Variants in TRABD2A observed in about 807,000 individuals in gnomAD.
TRABD2A encodes metalloprotease TIKI1.
TRABD2A carries 43 observed loss-of-function variants against 45.6 expected under a neutral mutation model. The ratio of observed to expected loss-of-function variants is 0.94; its 90% CI spans 0.74 to 1.22. TRABD2A has a LOEUF of 1.22. TRABD2A is among the 50% of genes most tolerant of loss of function. The pLI, the probability that TRABD2A is intolerant of heterozygous loss-of-function variation, is 0.00. For missense variants in TRABD2A, 642 were observed against 652.4 expected, an observed-to-expected ratio of 0.98 and a Z score of 0.17; for synonymous variants, 269 against 265.0, an observed-to-expected ratio of 1.02 and a Z score of -0.15.
chr2:84,863,237 A>ATTTTTTTTTTTTTTTTTT (rs1559095739), intron 2 of TRABD2A, among the ~76,000 whole-genome samples: 7 of 129,542 alleles, frequency 5.4e-5, no homozygotes, highest in African/African-American at 9.7e-5. Context: ...CTTCATGTGA[A>ATTTTTTTTTTTTTTTTTT]TCTTTTTTTT....
rs542849629 is a variant in TRABD2A at position 84,842,277 on chromosome 2, G to C, written c.670-270C>G. ...GGAACTCTTCCATGAGTGTGACCAA[G>C]AGGTGAGGGAACCCAAGAGCTGGCT... On this transcript the variant is annotated intron_variant, in intron 2 of 6. Transcript: ENST00000409520. Among the ~76,000 whole-genome samples the C allele has an allele frequency of 2.8e-3, 420 of 152,308 alleles. 1 individual carries two copies. Among genetic ancestry groups the C allele is most frequent in the Non-Finnish European group, 4.7e-3 (323 of 68,042 alleles).
At chr2:84,871,110 A>C (rs1248901107) in intron 1 of TRABD2A, among the ~76,000 whole-genome samples, 1 of 152,180 alleles carries the variant, frequency 6.6e-6, no homozygotes, top group Admixed American at 6.5e-5. Context: ...TCAGCTTTTC[A>C]ATCAAAAGGG....
At chr2:84,865,727 A>G (rs1247458306) in intron 2 of TRABD2A, among the ~76,000 whole-genome samples, 2 of 152,196 alleles carry the variant, frequency 1.3e-5, no homozygotes, top group Admixed American at 6.5e-5. Flanking sequence ...TGGGCAGAGC[A>G]GGCATTGCAA....
chr2:84,875,810 T>C (rs374483621), intron 1 of TRABD2A, among the ~76,000 whole-genome samples: 4 of 151,966 alleles, frequency 2.6e-5, no homozygotes, highest in Non-Finnish European at 4.4e-5. Flanking sequence ...CTGGACAACA[T>C]AGCAAGACCC....
At chr2:84,826,240 G>A (rs1056767504) in intron 5 of TRABD2A, among the ~76,000 whole-genome samples, 1 of 152,176 alleles carries the variant, frequency 6.6e-6, no homozygotes, top group Non-Finnish European at 1.5e-5. Flanking sequence ...TCCTCACAGT[G>A]AGACAAATCA....
At chr2:84,875,667 G>A (rs1182616792) in intron 1 of TRABD2A, among the ~76,000 whole-genome samples, 1 of 152,196 alleles carries the variant, frequency 6.6e-6, no homozygotes, top group Non-Finnish European at 1.5e-5. Flanking sequence ...ATCTGAGTGG[G>A]AGTGACAGGA....
intron 4 of TRABD2A, chr2:84,836,414 T>C (rs1336594423): frequency 4.6e-5 from 7 of 152,212 alleles, no homozygotes; most frequent in African/African-American, 1.7e-4. Context: ...AGAAATCTGC[T>C]GTTAATCCTA....
chr2:84,850,321 T>C (rs543034962), intron 2 of TRABD2A, among the ~76,000 whole-genome samples: 3 of 152,286 alleles, frequency 2.0e-5, no homozygotes, highest in South Asian at 4.1e-4. Flanking sequence ...ACAATTATAA[T>C]AATCATCACA....
intron 4 of TRABD2A, chr2:84,836,349 T>G (rs1445856950): frequency 6.6e-6 from 1 of 152,262 alleles, no homozygotes; most frequent in Non-Finnish European, 1.5e-5. Flanking sequence ...CAGTCTTTTA[T>G]TTCAGCATTT....
intron 2 of TRABD2A, among the ~76,000 whole-genome samples, chr2:84,859,995 G>C (rs142305333): frequency 2.7e-4 from 41 of 152,068 alleles, no homozygotes; most frequent in African/African-American, 9.4e-4. Context: ...CGAACTCCTG[G>C]GCTCAAGTGA....
chr2:84,836,986 G>GTTTTTTTTT (rs57910749), intron 4 of TRABD2A: 5 of 85,988 alleles, frequency 5.8e-5, no homozygotes, highest in African/African-American at 9.8e-5. Context: ...TAATTTTAGG[G>GTTTTTTTTT]TTTTTTTTTT....
chr2:84,867,307 GT>G (rs1195177924), intron 2 of TRABD2A, among the ~76,000 whole-genome samples: 1 of 152,164 alleles, frequency 6.6e-6, no homozygotes, highest in Non-Finnish European at 1.5e-5. Context: ...ACATGACACT[GT>G]AGTCTATAAT....
chr2:84,858,269 A>C (rs780686174), intron 2 of TRABD2A, among the ~76,000 whole-genome samples: 1 of 145,540 alleles, frequency 6.9e-6, no homozygotes, highest in South Asian at 2.2e-4. Flanking sequence ...GCTCCCTCCA[A>C]CATCGTCTCC....
intron 1 of TRABD2A, among the ~76,000 whole-genome samples, chr2:84,880,003 C>CA (rs1683150412): frequency 2.0e-5 from 3 of 148,556 alleles, no homozygotes; most frequent in Non-Finnish European, 4.5e-5. Context: ...CAACCCCCCC[C>CA]ACCCCCGCGT....
At chr2:84,868,527 A>G (rs1300033771) in intron 2 of TRABD2A, among the ~76,000 whole-genome samples, 3 of 151,858 alleles carry the variant, frequency 2.0e-5, no homozygotes, top group African/African-American at 7.3e-5. Flanking sequence ...TTAATTAGTT[A>G]ACTAGTTAAT....
chr2:84,823,448 T>C (rs1681052141), intron 6 of TRABD2A, among the ~76,000 whole-genome samples: 1 of 152,148 alleles, frequency 6.6e-6, no homozygotes, highest in African/African-American at 2.4e-5. Context: ...TCTGGGGTAG[T>C]TCTTCCAGAA....
chr2:84,879,526 G>T (rs115768502), intron 1 of TRABD2A: 32,265 of 910,956 alleles, frequency 0.035, 665 homozygotes, highest in South Asian at 0.08. Flanking sequence ...AGACCAAAAG[G>T]TAGGACGATG....
intron 2 of TRABD2A, 39 bp downstream of exon 2, chr2:84,870,186 C>G (rs1226107962): frequency 6.4e-7 from 1 of 1,556,926 alleles, no homozygotes; most frequent in Admixed American, 1.8e-5. Context: ...ACCCATACAA[C>G]CAAATGCCAC....
chr2:84,874,771 G>A (rs1682976637), intron 1 of TRABD2A: 1 of 249,458 alleles, frequency 4.0e-6, no homozygotes, highest in Admixed American at 4.1e-5. Context: ...TGACTGGAGG[G>A]GTCTGAGGAC....
Sources: allele counts gnomAD v4.1 joint callset (sites outside exome capture counted in the v4.1 genomes callset), GRCh38; gene constraint gnomAD v4.1.1; transcripts MANE v1.5; gene names NCBI Gene and HGNC (gene_info 2026-07-23, HGNC 2026-07-21).